TBCK: variants seen among roughly 807,000 people sequenced by gnomAD.
The protein encoded by TBCK is TBC1 domain containing kinase.
In TBCK, 99 loss-of-function variants were observed where a neutral mutation model predicts 113.4. The observed-to-expected ratio is 0.87, with a 90% confidence interval of 0.74 to 1.03. The LOEUF (loss-of-function observed/expected upper bound fraction) is 1.03, where lower values mean the gene tolerates loss of function less well. TBCK is among the 50% of genes least tolerant of loss of function. TBCK has a pLI of 0.00. For synonymous variants in TBCK, 369 were observed against 370.8 expected, an observed-to-expected ratio of 1.00 and a Z score of 0.05; for missense variants, 1,045 against 1,061.3, an observed-to-expected ratio of 0.98 and a Z score of 0.21.
intron 24 of TBCK, among the ~76,000 whole-genome samples, chr4:106,114,322 G>C (rs936983276): frequency 3.3e-5 from 5 of 152,216 alleles, no homozygotes; most frequent in African/African-American, 1.2e-4. Context: ...TGGACCTTGA[G>C]AGCAAAGGTT....
chr4:106,215,368 T>A (rs973173424), intron 19 of TBCK, among the ~76,000 whole-genome samples: 1 of 151,244 alleles, frequency 6.6e-6, no homozygotes, highest in Non-Finnish European at 1.5e-5. Flanking sequence ...CATAACACGA[T>A]TAACTTTAAA....
At chr4:106,181,445 T>G (rs1269930932) in intron 22 of TBCK, among the ~76,000 whole-genome samples, 1 of 152,224 alleles carries the variant, frequency 6.6e-6, no homozygotes, top group Non-Finnish European at 1.5e-5. Flanking sequence ...TCTTTGCCCA[T>G]GCCTATGTCC....
chr4:106,269,586 T>C (rs1476379515), intron 3 of TBCK, among the ~76,000 whole-genome samples: 2 of 152,172 alleles, frequency 1.3e-5, no homozygotes, highest in Non-Finnish European at 2.9e-5. Context: ...TAAGAATGTA[T>C]TTGCCTCAGA....
At chr4:106,242,117 C>A (rs141204640) in intron 12 of TBCK, among the ~76,000 whole-genome samples, 25 of 152,150 alleles carry the variant, frequency 1.6e-4, no homozygotes, top group African/African-American at 4.3e-4. Flanking sequence ...AAAAGACTTA[C>A]AACTGCACTA....
intron 23 of TBCK, among the ~76,000 whole-genome samples, chr4:106,137,817 C>G (rs528699945): frequency 7.1e-6 from 1 of 139,902 alleles, no homozygotes; most frequent in South Asian, 2.5e-4. Flanking sequence ...AGACTTTATG[C>G]TAAAACGTTC....
At chr4:106,261,592 C>T (rs1006694086) in intron 4 of TBCK, among the ~76,000 whole-genome samples, 1 of 152,044 alleles carries the variant, frequency 6.6e-6, no homozygotes, top group African/African-American at 2.4e-5. Context: ...CAAGCTTCTT[C>T]TTAATGCCCC....
intron 23 of TBCK, among the ~76,000 whole-genome samples, chr4:106,118,223 C>A (rs1249738335): frequency 6.6e-6 from 1 of 151,986 alleles, no homozygotes; most frequent in African/African-American, 2.4e-5. Context: ...AAAAAATAAA[C>A]CATATAAATC....
At chr4:106,148,097 C>T (rs1748040377) in intron 23 of TBCK, among the ~76,000 whole-genome samples, 2 of 152,174 alleles carry the variant, frequency 1.3e-5, no homozygotes, top group Non-Finnish European at 2.9e-5. Flanking sequence ...TTTGGTCAGA[C>T]CAGTTGCTCT....
intron 25 of TBCK, among the ~76,000 whole-genome samples, chr4:106,069,862 C>T (rs1166792473): frequency 1.3e-5 from 2 of 152,168 alleles, no homozygotes; most frequent in Non-Finnish European, 2.9e-5. Flanking sequence ...TCCTTCACAT[C>T]TCTTGTAAGT....
chr4:106,132,554 C>T (rs1460827058), intron 23 of TBCK, among the ~76,000 whole-genome samples: 1 of 152,202 alleles, frequency 6.6e-6, no homozygotes, highest in East Asian at 1.9e-4. Context: ...TGGAGGACCT[C>T]TGTAGGGCAC....
intron 24 of TBCK, among the ~76,000 whole-genome samples, chr4:106,109,940 G>C (rs373983390): frequency 5.1e-4 from 77 of 152,270 alleles, no homozygotes; most frequent in South Asian, 3.5e-3. Flanking sequence ...TTTGGCTGAA[G>C]GCAGCCAAAC....
intron 5 of TBCK, among the ~76,000 whole-genome samples, chr4:106,254,688 C>G (rs1057076761): frequency 6.6e-6 from 1 of 151,958 alleles, no homozygotes; most frequent in Non-Finnish European, 1.5e-5. Context: ...AGACAAGGTA[C>G]AACTTATTTT....
intron 23 of TBCK, among the ~76,000 whole-genome samples, chr4:106,130,088 C>T (rs1269736480): frequency 6.6e-6 from 1 of 152,182 alleles, no homozygotes. Context: ...TTACTGCTTT[C>T]ATTTCCCCCC....
At chr4:106,157,829 G>A (rs1412022261) in intron 23 of TBCK, among the ~76,000 whole-genome samples, 1 of 152,064 alleles carries the variant, frequency 6.6e-6, no homozygotes, top group African/African-American at 2.4e-5. Context: ...TGGTGTCTGT[G>A]CAGAAGACAT....
chr4:106,131,482 G>A (rs998471747), intron 23 of TBCK, among the ~76,000 whole-genome samples: 7 of 152,122 alleles, frequency 4.6e-5, no homozygotes, highest in East Asian at 1.9e-4. Flanking sequence ...GCATGGTGGC[G>A]CATGCCTGTA....
intron 6 of TBCK, among the ~76,000 whole-genome samples, chr4:106,251,506 A>C (rs1195705329): frequency 6.6e-6 from 1 of 151,982 alleles, no homozygotes; most frequent in African/African-American, 2.4e-5. Context: ...TTACTGTCAT[A>C]TCAATCTTCT....
chr4:106,059,473 G>A (rs1001388133), intron 25 of TBCK, among the ~76,000 whole-genome samples: 2 of 151,508 alleles, frequency 1.3e-5, no homozygotes, highest in African/African-American at 4.8e-5. Context: ...ATGATGATCT[G>A]TGATAAGTGA....
chr4:106,251,783 CTAT>C (rs1291352253), intron 6 of TBCK, 80 bp downstream of exon 6: 21 of 1,201,940 alleles, frequency 1.7e-5, no homozygotes, highest in Non-Finnish European at 2.1e-5. Context: ...CAAAAACATA[CTAT>C]TATTAACTTT....
chr4:106,121,816 T>C (rs1422276204), intron 23 of TBCK, among the ~76,000 whole-genome samples: 1 of 152,112 alleles, frequency 6.6e-6, no homozygotes, highest in Non-Finnish European at 1.5e-5. Flanking sequence ...AAGATGTTCT[T>C]TGAAACCAAC....
Sources: allele counts gnomAD v4.1 joint callset (sites outside exome capture counted in the v4.1 genomes callset), GRCh38; gene constraint gnomAD v4.1.1; transcripts MANE v1.5; gene names NCBI Gene and HGNC (gene_info 2026-07-23, HGNC 2026-07-21).